The following SLC35A3 variants were observed in gnomAD, a reference collection of about 807,000 sequenced individuals.
SLC35A3 encodes UDP-N-acetylglucosamine transporter.
Under a neutral mutation model 39.0 loss-of-function variants are expected in SLC35A3, and 26 were observed. That is an observed-to-expected ratio of 0.67 (90% CI 0.49 to 0.92). The LOEUF (loss-of-function observed/expected upper bound fraction) is 0.92. Among genes scored for constraint, SLC35A3 ranks in the 40% least tolerant of loss-of-function variants. SLC35A3 has a pLI of 0.00. For synonymous variants in SLC35A3, 135 were observed against 133.1 expected, an observed-to-expected ratio of 1.01 and a Z score of -0.10; for missense variants, 299 against 371.6, an observed-to-expected ratio of 0.80 and a Z score of 1.61.
At chr1:99,972,991 T>G (rs1656908745) in intron 1 of SLC35A3, among the ~76,000 whole-genome samples, 1 of 152,198 alleles carries the variant, frequency 6.6e-6, no homozygotes, top group Non-Finnish European at 1.5e-5. Flanking sequence ...ATTGATATAA[T>G]TTGTGTCCTG....
intron 4 of SLC35A3, chr1:100,007,552 T>G (rs1006956294): frequency 1.3e-5 from 2 of 154,776 alleles, no homozygotes; most frequent in African/African-American, 4.8e-5. Context: ...GTTTTCTTCA[T>G]AGGAATCTTT....
intron 3 of SLC35A3, among the ~76,000 whole-genome samples, chr1:100,005,984 T>C (rs1405206777): frequency 6.6e-6 from 1 of 152,226 alleles, no homozygotes; most frequent in Non-Finnish European, 1.5e-5. Flanking sequence ...GTTTTGTAGA[T>C]AGCTTTCATA....
intron 5 of SLC35A3, among the ~76,000 whole-genome samples, chr1:100,013,176 C>G (rs1206900117): frequency 2.0e-5 from 3 of 152,040 alleles, no homozygotes; most frequent in African/African-American, 7.2e-5. Context: ...ATTACAAAGT[C>G]TTTTATAAAT....
chr1:100,028,755 T>G lies in SLC35A3; in HGVS notation c.*6279T>G, dbSNP rs1661058324. 4 of 152,238 alleles carry G rather than the reference T, an allele frequency of 2.6e-5. No individual in the cohort carries two copies. Among genetic ancestry groups the G allele is most frequent in the African/African-American group, 9.6e-5 (4 of 41,466 alleles). The allele number at this position is 152,238 out of a possible 1,614,324, so 9.4% of individuals were successfully genotyped here. ...CCTTCAATTACCAAAGATTTGAGCT[T>G]CTGCTATGGCTGAGAGTGTTTTGGT... On this transcript the variant is annotated 3_prime_UTR_variant, in exon 8 of 8. Coordinates refer to ENST00000533028, the MANE Select transcript of SLC35A3 (RefSeq NM_012243.3).
At chr1:100,019,170 T>TTA (rs1557847129) in intron 7 of SLC35A3, among the ~76,000 whole-genome samples, 1 of 150,622 alleles carries the variant, frequency 6.6e-6, no homozygotes, top group African/African-American at 2.4e-5. Flanking sequence ...TTTTTTTTTT[T>TTA]AAATTGAACC....
chr1:100,007,031 C>A lies in SLC35A3; in HGVS notation c.343-3C>A. The A allele has an allele frequency of 6.3e-7, 1 of 1,592,066 alleles. No individual in the cohort carries two copies. Reference sequence around the variant, plus strand: ...TTAATAATATTACTGTTTTCTTTTTCAGGTCACGTATCAGTTAAAAATTCT... The same window carrying A: ...TTAATAATATTACTGTTTTCTTTTTAAGGTCACGTATCAGTTAAAAATTCT... On this transcript the variant is annotated splice_polypyrimidine_tract_variant and splice_region_variant and intron_variant, in intron 3 of 7. Transcript: ENST00000533028.
chr1:99,984,415 T>C (rs777266059), intron 1 of SLC35A3, among the ~76,000 whole-genome samples: 4 of 152,244 alleles, frequency 2.6e-5, no homozygotes, highest in Non-Finnish European at 4.4e-5. Context: ...GCTGTGAATG[T>C]CATTATTTCA....
chr1:100,019,647 T>C (rs987458629), intron 7 of SLC35A3, among the ~76,000 whole-genome samples: 5 of 152,204 alleles, frequency 3.3e-5, no homozygotes, highest in African/African-American at 1.2e-4. Flanking sequence ...TTTGTTTGTT[T>C]GTTTGTTTGG....
intron 2 of SLC35A3, among the ~76,000 whole-genome samples, chr1:99,997,768 C>T (rs1212393645): frequency 2.0e-5 from 3 of 151,904 alleles, no homozygotes; most frequent in East Asian, 1.9e-4. Flanking sequence ...ATTGTATTAA[C>T]AGGAAAGAGA....
At chr1:100,019,619 A>AT in intron 7 of SLC35A3, among the ~76,000 whole-genome samples, 1 of 152,042 alleles carries the variant, frequency 6.6e-6, no homozygotes, top group East Asian at 1.9e-4. Flanking sequence ...GCCTCATTCC[A>AT]TCTCCTGAAA....
Position 100,022,439 on chromosome 1 carries a change from A to G in SLC35A3, c.941A>G (p.Tyr314Cys), listed in dbSNP as rs753282896. The G allele has an allele frequency of 6.2e-7, 1 of 1,606,956 alleles. No individual in the cohort carries two copies. ...ATAACAGCTACTTTTTTGTATGGTT[A>G]TGATCCCAAACCTGCAGGAAATCCC... ...LVITATFLYGYDPKPAGNPTK... is the reference protein window; with the variant it reads ...LVITATFLYGCDPKPAGNPTK... Residue 314 changes from tyrosine (Y) to cysteine (C), a missense_variant, in exon 8 of 8, where the codon TAT (tyrosine) becomes TGT (cysteine). Transcript: ENST00000533028.
rs1246040030 is a variant in SLC35A3, at chr1:100,032,310, T to C, written c.*9834T>C. 2.0e-5 allele frequency: 3 copies of C among 152,122 alleles called. No individual in the cohort carries two copies. Among genetic ancestry groups the C allele is most frequent in the African/African-American group, 7.2e-5 (3 of 41,382 alleles). 9.4% of individuals were successfully genotyped at this position (152,122 alleles called of 1,614,324 possible). On this transcript the variant is annotated 3_prime_UTR_variant, in exon 8 of 8. Coordinates refer to ENST00000533028, the MANE Select transcript of SLC35A3 (RefSeq NM_012243.3). ...TCATTTATTACACTGGGGTGCAAAATGGTGATAAATTTTTTTTAGTGCTCT... is the reference window on the plus strand; with the variant it reads ...TCATTTATTACACTGGGGTGCAAAACGGTGATAAATTTTTTTTAGTGCTCT...
In SLC35A3 at chr1:100,033,967, C is replaced by T. The variant is rs879905748; in HGVS notation, c.*11491C>T. 6 of 152,172 alleles carry T rather than the reference C, an allele frequency of 3.9e-5. No homozygotes were observed. Among genetic ancestry groups the T allele is most frequent in the African/African-American group, 7.2e-5 (3 of 41,440 alleles). 9.4% of individuals were successfully genotyped at this position (152,172 alleles called of 1,614,324 possible). A position where few individuals can be genotyped will look rare whatever the true frequency, so the allele number is the denominator to read the frequency against. On this transcript the variant is annotated 3_prime_UTR_variant, in exon 8 of 8. Transcript: ENST00000533028. The stretch of plus-strand genomic sequence containing the variant: ...CTGTACAATATTCTCTGAGTTGTGA[C>T]ATGTTTAAAATTTCTTCTGGAGCCT...
intron 1 of SLC35A3, 121 bp downstream of exon 1, chr1:99,970,283 G>T: frequency 4.9e-6 from 2 of 411,474 alleles, no homozygotes; most frequent in South Asian, 7.2e-5. Context: ...TGTGAAGTCT[G>T]TAGGGGTGAA....
chr1:100,018,896 A>G (rs1235074265), intron 7 of SLC35A3, among the ~76,000 whole-genome samples: 1 of 152,208 alleles, frequency 6.6e-6, no homozygotes, highest in African/African-American at 2.4e-5. Context: ...TTTTCTAGCA[A>G]TCTAGACAAT....
At chr1:100,005,452 G>T (rs908571994) in intron 3 of SLC35A3, among the ~76,000 whole-genome samples, 1 of 152,232 alleles carries the variant, frequency 6.6e-6, no homozygotes, top group Non-Finnish European at 1.5e-5. Context: ...CATTGGGAGT[G>T]TAAGTAATAC....
chr1:100,005,675 T>G (rs1659176151), intron 3 of SLC35A3, among the ~76,000 whole-genome samples: 1 of 152,194 alleles, frequency 6.6e-6, no homozygotes, highest in Admixed American at 6.5e-5. Flanking sequence ...ATTCTTTAGT[T>G]CTATGATTTT....
chr1:99,977,364 C>CA (rs61423393), intron 1 of SLC35A3, among the ~76,000 whole-genome samples: 5,083 of 98,432 alleles, frequency 0.052, 200 homozygotes, highest in African/African-American at 0.11. Context: ...TTAAAAATAC[C>CA]AAAAAAAAAA....
chr1:99,993,895 T>C, intron 2 of SLC35A3, 154 bp downstream of exon 2: 1 of 573,492 alleles, frequency 1.7e-6, no homozygotes, highest in South Asian at 2.7e-5. Context: ...ATTTTAAGTC[T>C]AGTAATAAAG....
Sources: gnomAD v4.1 joint callset for allele counts (sites outside exome capture counted in the v4.1 genomes callset) on GRCh38, gnomAD v4.1.1 for gene constraint, MANE v1.5 for transcripts, NCBI Gene and HGNC (gene_info 2026-07-23, HGNC 2026-07-21) for gene names.